SCARA5: variants seen among roughly 807,000 people sequenced by gnomAD.
The protein encoded by SCARA5 is scavenger receptor class A, member 5 (putative).
Under a neutral mutation model 46.3 loss-of-function variants are expected in SCARA5, and 45 were observed. The observed-to-expected ratio is 0.97, with a 90% confidence interval of 0.76 to 1.24. SCARA5 has a LOEUF of 1.24. Among genes scored for constraint, SCARA5 ranks in the 50% most tolerant of loss-of-function variants. The pLI is 0.00. For missense variants in SCARA5, 680 were observed against 689.0 expected (o/e 0.99, Z 0.15); for synonymous variants, 333 against 306.5 (o/e 1.09, Z -0.90).
chr8:27,979,756 C>A (rs1041225035), intron 2 of SCARA5, among the ~76,000 whole-genome samples: 15 of 152,000 alleles, frequency 9.9e-5, no homozygotes, highest in Non-Finnish European at 1.5e-4. Context: ...AGACAGGGTT[C>A]CACCATGTTG....
At chr8:27,979,551 C>T (rs1024371452) in intron 2 of SCARA5, among the ~76,000 whole-genome samples, 5 of 151,050 alleles carry the variant, frequency 3.3e-5, no homozygotes, top group African/African-American at 1.2e-4. Context: ...CAGAGCCTGC[C>T]TGACTTTTTT....
chr8:27,927,300 C>T (rs536546590), intron 3 of SCARA5, among the ~76,000 whole-genome samples: 22 of 152,128 alleles, frequency 1.4e-4, no homozygotes, highest in Non-Finnish European at 1.2e-4. Flanking sequence ...CATATGGGGA[C>T]GGCTGACAAT....
At chr8:27,901,309 T>A (rs1032314351) in intron 7 of SCARA5, among the ~76,000 whole-genome samples, 1 of 152,134 alleles carries the variant, frequency 6.6e-6, no homozygotes, top group African/African-American at 2.4e-5. Flanking sequence ...CAGAGGTGTT[T>A]GGGAAGGTTG....
intron 7 of SCARA5, among the ~76,000 whole-genome samples, chr8:27,894,595 A>C (rs1807032575): frequency 6.6e-6 from 1 of 152,092 alleles, no homozygotes; most frequent in South Asian, 2.1e-4. Flanking sequence ...TCTGTGGGAG[A>C]ATGTGGATCT....
rs903039550 is a variant in SCARA5 at position 27,965,396 on chromosome 8, G to C, written c.241+1018C>G. 3.3e-5 allele frequency among the ~76,000 whole-genome samples: 5 copies of C among 152,176 alleles called. No individual in the cohort carries two copies. In the East Asian group the frequency reaches 9.6e-4, roughly 29 times the overall value. On this transcript the variant is annotated intron_variant, in intron 3 of 8. Transcript: ENST00000354914. ...TCAGCTCGGCCTGGCCAGCAGCCTC[G>C]CTCCCACCAACTCCACCTGCTTCAT... is the stretch of plus-strand genomic sequence containing the variant.
Position 27,904,032 on chromosome 8 carries a change from CT to C in SCARA5, c.1153+745del, listed in dbSNP as rs1196791734. Among the ~76,000 whole-genome samples, 19 of 722 alleles carry C rather than the reference CT, an allele frequency of 0.026. No individual in the cohort carries two copies. In the Non-Finnish European group the frequency reaches 0.43, roughly 16 times the overall value. The allele number at this position is 722 out of a possible 152,430, so 0.5% of individuals were successfully genotyped here. A position where few individuals can be genotyped will look rare whatever the true frequency, so the allele number is the denominator to read the frequency against. ...AGTCTCCAAGATTCTACATGTAGCC[CT>C]CTCTAGGGGAAAAGTAAACCTTAGA... On this transcript the variant is annotated intron_variant, in intron 7 of 8. Transcript: ENST00000354914.
chr8:27,946,222 A>G (rs1225805384), intron 3 of SCARA5, among the ~76,000 whole-genome samples: 1 of 152,244 alleles, frequency 6.6e-6, no homozygotes, highest in African/African-American at 2.4e-5. Flanking sequence ...GACAACCATG[A>G]AGTCTGCCAT....
intron 1 of SCARA5, among the ~76,000 whole-genome samples, chr8:27,990,360 G>A (rs1045894211): frequency 1.3e-5 from 2 of 152,122 alleles, no homozygotes; most frequent in East Asian, 3.9e-4. Context: ...TTCTTTCTTG[G>A]GGGAGGAAGC....
intron 6 of SCARA5, among the ~76,000 whole-genome samples, chr8:27,905,582 A>T (rs1317444702): frequency 1.3e-5 from 2 of 150,088 alleles, no homozygotes; most frequent in African/African-American, 4.9e-5. Flanking sequence ...TCAGAAAAAG[A>T]TCTGGCAGGG....
At chr8:27,938,012 C>T (rs549607193) in intron 3 of SCARA5, among the ~76,000 whole-genome samples, 3 of 152,194 alleles carry the variant, frequency 2.0e-5, no homozygotes, top group Admixed American at 6.5e-5. Context: ...CCATAACTAG[C>T]GGTTAGGGAG....
chr8:27,975,689 C>T lies in SCARA5; in HGVS notation c.113-9147G>A, dbSNP rs76849977. The stretch of plus-strand genomic sequence containing the variant: ...TGATGAGTGAGCGAATAGAAAAAAA[C>T]ATTTTGGTTTTTTTTTCCTCTCTCC... On this transcript the variant is annotated intron_variant, in intron 2 of 8. Transcript: ENST00000354914. 2.1e-4 allele frequency among the ~76,000 whole-genome samples: 31 copies of T among 147,744 alleles called. No homozygotes were observed. In the East Asian group the frequency reaches 4.3e-3, roughly 20 times the overall value.
chr8:27,892,849 G>T (rs561944297), intron 7 of SCARA5, among the ~76,000 whole-genome samples: 1 of 152,058 alleles, frequency 6.6e-6, no homozygotes, highest in African/African-American at 2.4e-5. Context: ...CTCGTGATCC[G>T]CCTGCCTGGG....
chr8:27,950,693 C>T (rs776970487), intron 3 of SCARA5, among the ~76,000 whole-genome samples: 16 of 152,072 alleles, frequency 1.1e-4, no homozygotes, highest in Non-Finnish European at 1.6e-4. Flanking sequence ...CAGAGTGGGG[C>T]CCTCTAACAC....
chr8:27,912,924 C>T (rs1322919479), intron 4 of SCARA5, among the ~76,000 whole-genome samples: 1 of 152,160 alleles, frequency 6.6e-6, no homozygotes, highest in Non-Finnish European at 1.5e-5. Context: ...ATTAAATGTG[C>T]AGTTGTAGTG....
chr8:27,964,452 A>G (rs181320421), intron 3 of SCARA5, among the ~76,000 whole-genome samples: 17 of 152,310 alleles, frequency 1.1e-4, no homozygotes, highest in African/African-American at 4.1e-4. Flanking sequence ...CAACATTTCT[A>G]TTAGATTGGG....
At chr8:27,892,894 C>T (rs966713542) in intron 7 of SCARA5, among the ~76,000 whole-genome samples, 1 of 152,194 alleles carries the variant, frequency 6.6e-6, no homozygotes, top group Non-Finnish European at 1.5e-5. Context: ...GCGTGAGCCA[C>T]CGCACCCAGC....
At chr8:27,932,283 G>A (rs1359591492) in intron 3 of SCARA5, among the ~76,000 whole-genome samples, 1 of 152,156 alleles carries the variant, frequency 6.6e-6, no homozygotes, top group African/African-American at 2.4e-5. Context: ...CCCAGCCTGA[G>A]AACCTTGCAT....
rs536174910 is a variant in SCARA5, at chr8:27,942,571, G to A, written c.242-20326C>T. 5.3e-5 allele frequency among the ~76,000 whole-genome samples: 8 copies of A among 152,200 alleles called. No individual in the cohort carries two copies. The South Asian group carries it at 6.2e-4, about 12-fold the overall frequency. ...ATCCAGAGCTGCCTTCCGATGCCCCGGCCTCTGGGAGAGTTTATCAACTTT... is the reference window on the plus strand; with the variant it reads ...ATCCAGAGCTGCCTTCCGATGCCCCAGCCTCTGGGAGAGTTTATCAACTTT... On this transcript the variant is annotated intron_variant, in intron 3 of 8. Coordinates refer to ENST00000354914, the MANE Select transcript of SCARA5 (RefSeq NM_173833.6).
chr8:27,941,800 C>CATT (rs71536304), intron 3 of SCARA5, among the ~76,000 whole-genome samples: 31,615 of 135,028 alleles, frequency 0.23, 3,887 homozygotes, highest in Non-Finnish European at 0.28. Flanking sequence ...TTTACATCAT[C>CATT]ATTATTATTA....
Sources: allele counts gnomAD v4.1 joint callset (sites outside exome capture counted in the v4.1 genomes callset), GRCh38; gene constraint gnomAD v4.1.1; transcripts MANE v1.5; gene names NCBI Gene and HGNC (gene_info 2026-07-23, HGNC 2026-07-21).